Variants in LINGO1 observed in about 807,000 individuals in gnomAD.
LINGO1 encodes the protein leucine-rich repeat and immunoglobulin-like domain-containing nogo receptor-interacting protein 1.
A neutral mutation model predicts 37.3 loss-of-function variants in LINGO1; 11 were observed. The observed-to-expected ratio is 0.29, with a 90% CI of 0.19 to 0.49. The LOEUF is 0.49. Ranked by LOEUF, LINGO1 falls within the 20% of genes least tolerant of loss-of-function variation. The probability of loss-of-function intolerance (pLI) is 0.99; values close to 1 mark genes in which losing one functional copy is unlikely to be tolerated. For missense variants in LINGO1, 585 were observed against 878.2 expected (o/e 0.67, Z 4.22); for synonymous variants, 387 against 403.0 (o/e 0.96, Z 0.48).
At chr15:77,686,447 G>A (rs533522044) in intron 2 of LINGO1, among the ~76,000 whole-genome samples, 5 of 152,334 alleles carry the variant, frequency 3.3e-5, no homozygotes, top group Admixed American at 1.3e-4. Flanking sequence ...GGCAAGACCC[G>A]GGAACATGCC....
rs868821254 is a variant in LINGO1, at chr15:77,765,232, T to C, written c.-257+21637A>G. Reference sequence around the variant, plus strand: ...GAGTTGGAGACCAGCCTGGCCAACATGGTGAAACCCCGTCTCTACTAAAAA... The same window carrying C: ...GAGTTGGAGACCAGCCTGGCCAACACGGTGAAACCCCGTCTCTACTAAAAA... On this transcript the variant is annotated intron_variant, in intron 1 of 3. Transcript: ENST00000561686. 9.1e-4 allele frequency among the ~76,000 whole-genome samples: 138 copies of C among 152,124 alleles called. 1 individual carries two copies. Among genetic ancestry groups the C allele is most frequent in the African/African-American group, 3.1e-3 (128 of 41,476 alleles).
At chr15:77,713,329 C>G (rs1179104126) in intron 2 of LINGO1, among the ~76,000 whole-genome samples, 1 of 151,582 alleles carries the variant, frequency 6.6e-6, no homozygotes, top group African/African-American at 2.4e-5. Flanking sequence ...CTGCCTGCCT[C>G]GGCCTCCCAA....
chr15:77,616,779 C>A (rs1199120262), intron 1 of LINGO1, among the ~76,000 whole-genome samples: 1 of 152,226 alleles, frequency 6.6e-6, no homozygotes, highest in African/African-American at 2.4e-5. Flanking sequence ...TCCTGCAGTT[C>A]TTTCCTCTGG....
intron 1 of LINGO1, among the ~76,000 whole-genome samples, chr15:77,769,108 G>A (rs1240322030): frequency 6.6e-6 from 1 of 152,212 alleles, no homozygotes. Flanking sequence ...CCAGACCCTG[G>A]CCGCAGCCAG....
At chr15:77,697,034 G>A (rs1017557558), upstream of LINGO1, among the ~76,000 whole-genome samples, 106 of 152,248 alleles carry the variant, frequency 7.0e-4, 4 homozygotes, top group Non-Finnish European at 5.3e-4. Flanking sequence ...ACAAGGCAGG[G>A]CTTGGGGCCA....
intron 1 of LINGO1, among the ~76,000 whole-genome samples, chr15:77,773,829 C>T (rs1198854990): frequency 6.6e-6 from 1 of 151,930 alleles, no homozygotes; most frequent in Non-Finnish European, 1.5e-5. Flanking sequence ...GGAGCAGTGG[C>T]CTTCTCTGGC....
chr15:77,684,082 G>A (rs1035323581), intron 2 of LINGO1, among the ~76,000 whole-genome samples: 1 of 152,062 alleles, frequency 6.6e-6, no homozygotes, highest in African/African-American at 2.4e-5. Flanking sequence ...CCTGCCTTCT[G>A]TGCCTTGCCT....
intron 2 of LINGO1, among the ~76,000 whole-genome samples, chr15:77,794,380 GTATATACATACATATATACGTATATA>G (rs2076847065): frequency 3.7e-5 from 2 of 53,612 alleles, no homozygotes; most frequent in African/African-American, 1.4e-4. Context: ...ATACGTATAT[GTATATACATACATATATACGTATATA>G]TGTGTATATA....
At chr15:77,715,397 T>C (rs1403624517) in intron 2 of LINGO1, among the ~76,000 whole-genome samples, 2 of 152,180 alleles carry the variant, frequency 1.3e-5, no homozygotes, top group Non-Finnish European at 2.9e-5. Flanking sequence ...TGAAATGTCA[T>C]TAACTGTCCT....
intron 2 of LINGO1, among the ~76,000 whole-genome samples, chr15:77,725,088 T>C (rs8035057): frequency 0.012 from 1,792 of 152,318 alleles, 46 homozygotes; most frequent in African/African-American, 0.041. Context: ...GGCTCCCTTC[T>C]GGGTGTCCAA....
intron 1 of LINGO1, among the ~76,000 whole-genome samples, chr15:77,756,824 C>T (rs1241945067): frequency 1.3e-5 from 2 of 152,196 alleles, no homozygotes; most frequent in Non-Finnish European, 2.9e-5. Context: ...CACTGAATGT[C>T]CCCACGTATA....
intron 3 of LINGO1, among the ~76,000 whole-genome samples, chr15:77,662,959 C>T (rs907459932): frequency 2.6e-5 from 4 of 152,290 alleles, no homozygotes; most frequent in African/African-American, 4.8e-5. Context: ...GGAAGGAAGC[C>T]GGTGCTTCAC....
chr15:77,675,516 T>G (rs2075312327), intron 3 of LINGO1, among the ~76,000 whole-genome samples: 2 of 152,218 alleles, frequency 1.3e-5, no homozygotes, highest in Admixed American at 1.3e-4. Flanking sequence ...AATCAAGTGC[T>G]GGAGCAATAT....
chr15:77,745,936 A>G (rs760620878), intron 1 of LINGO1, among the ~76,000 whole-genome samples: 3 of 152,078 alleles, frequency 2.0e-5, no homozygotes, highest in Non-Finnish European at 4.4e-5. Context: ...ACAAGAAATT[A>G]TAAGAACCAG....
At chr15:77,780,860 C>T (rs903395351) in intron 1 of LINGO1, among the ~76,000 whole-genome samples, 8 of 152,034 alleles carry the variant, frequency 5.3e-5, no homozygotes, top group South Asian at 2.1e-4. Context: ...CCGACCATGC[C>T]GGCACCCTGA....
intron 1 of LINGO1, among the ~76,000 whole-genome samples, chr15:77,624,817 G>A (rs1470863434): frequency 2.6e-5 from 4 of 152,170 alleles, no homozygotes; most frequent in African/African-American, 7.2e-5. Context: ...CAGAGCTGAG[G>A]TGGGGCAGGC....
chr15:77,751,934 C>T (rs926617604), intron 1 of LINGO1, among the ~76,000 whole-genome samples: 1 of 152,166 alleles, frequency 6.6e-6, no homozygotes, highest in Non-Finnish European at 1.5e-5. Context: ...GTGCTTTGTT[C>T]CATCATCTCA....
At chr15:77,750,298 T>C (rs182144275) in intron 1 of LINGO1, among the ~76,000 whole-genome samples, 1 of 152,380 alleles carries the variant, frequency 6.6e-6, no homozygotes, top group African/African-American at 2.4e-5. Flanking sequence ...GTAAGAAGAA[T>C]AGCATTACAG....
At chr15:77,685,435 G>A (rs544930639) in intron 2 of LINGO1, among the ~76,000 whole-genome samples, 1 of 152,322 alleles carries the variant, frequency 6.6e-6, no homozygotes, top group African/African-American at 2.4e-5. Context: ...CAGGGAGGCA[G>A]TGGACATGTC....
Sources: gnomAD v4.1 joint callset for allele counts (sites outside exome capture counted in the v4.1 genomes callset) on GRCh38, gnomAD v4.1.1 for gene constraint, MANE v1.5 for transcripts, NCBI Gene and HGNC (gene_info 2026-07-23, HGNC 2026-07-21) for gene names.